VWA8: variants seen among roughly 807,000 people sequenced by gnomAD.
The protein encoded by VWA8 is von Willebrand factor A domain containing 8, also known as von Willebrand factor A domain-containing protein 8.
VWA8 carries 221 observed loss-of-function variants against 241.5 expected under a neutral mutation model. The observed-to-expected ratio is 0.91, with a 90% confidence interval of 0.82 to 1.02. The LOEUF (loss-of-function observed/expected upper bound fraction) is 1.02, where lower values mean the gene tolerates loss of function less well. Among genes scored for constraint, VWA8 ranks in the 50% least tolerant of loss-of-function variants. The pLI is 0.00. For synonymous variants in VWA8, 852 were observed against 827.1 expected (o/e 1.03, Z -0.52); for missense variants, 2,322 against 2,328.7 (o/e 1.00, Z 0.06).
At position 41,886,774 on chromosome 13, in the gene VWA8, T is replaced by A; in HGVS notation, c.866+7A>T. The stretch of plus-strand genomic sequence containing the variant: ...CAGTGTCCAGACATTTATAAAAATA[T>A]ACTTACTTCTCAGCAGAAACATTGG... On this transcript the variant is annotated splice_region_variant and intron_variant, in intron 7 of 44. Transcript: ENST00000379310. 1 of 1,590,364 alleles carries A rather than the reference T, an allele frequency of 6.3e-7. No individual in the cohort carries two copies. Among genetic ancestry groups the A allele is most frequent in the Non-Finnish European group, 8.5e-7 (1 of 1,171,238 alleles).
At chr13:41,759,430 T>C (rs1193060615) in intron 21 of VWA8, among the ~76,000 whole-genome samples, 1 of 151,738 alleles carries the variant, frequency 6.6e-6, no homozygotes, top group East Asian at 1.9e-4. Flanking sequence ...TTGAAGTTCA[T>C]TGAGCTTCCT....
chr13:41,566,899 C>T lies in VWA8; in HGVS notation c.*1298G>A, dbSNP rs1940401582. 1.3e-5 allele frequency: 2 copies of T among 152,080 alleles called. No individual in the cohort carries two copies. Among genetic ancestry groups the T allele is most frequent in the Admixed American group, 1.3e-4 (2 of 15,276 alleles). 9.4% of individuals were successfully genotyped at this position (152,080 alleles called of 1,614,324 possible). ...AATGATAGGGAGAGGGGTGATAGAA[C>T]AAATGGGTATTATCTTTTCTTCTTT... is the stretch of plus-strand genomic sequence containing the variant. On this transcript the variant is annotated 3_prime_UTR_variant, in exon 45 of 45. Transcript: ENST00000379310.
chr13:41,960,671 G>GC (rs1203100249), intron 1 of VWA8, among the ~76,000 whole-genome samples, 182 bp downstream of exon 1: 2 of 152,164 alleles, frequency 1.3e-5, no homozygotes, highest in Non-Finnish European at 2.9e-5. Context: ...CGAGCGCCTT[G>GC]CCCCCACGTT....
chr13:41,770,228 A>T (rs2137918498), intron 20 of VWA8, among the ~76,000 whole-genome samples: 1 of 151,840 alleles, frequency 6.6e-6, no homozygotes, highest in East Asian at 1.9e-4. Flanking sequence ...CGTGTGGATC[A>T]TGAGGTCAGG....
At chr13:41,772,603 T>C (rs1038988555) in intron 20 of VWA8, among the ~76,000 whole-genome samples, 2 of 152,206 alleles carry the variant, frequency 1.3e-5, no homozygotes, top group Admixed American at 6.5e-5. Context: ...CTCAAACATG[T>C]GTATTTTCAT....
chr13:41,959,493 CAAAAAAA>C (rs59960898), intron 1 of VWA8, among the ~76,000 whole-genome samples: 2 of 76,464 alleles, frequency 2.6e-5, no homozygotes, highest in African/African-American at 1.0e-4. Flanking sequence ...TGAGAAAAAG[CAAAAAAA>C]AAAAAAAAAA....
chr13:41,756,843 C>G lies in VWA8; in HGVS notation c.2426+4285G>C, dbSNP rs1000996011. Among the ~76,000 whole-genome samples the G allele has an allele frequency of 7.3e-5, 11 of 151,600 alleles. 1 individual carries two copies. Among genetic ancestry groups the G allele is most frequent in the African/African-American group, 2.7e-4 (11 of 41,332 alleles). ...AGCAGCATCTGTATATACATTAAAA[C>G]TGTCAAGTAATAAAATATTTTTAAA... On this transcript the variant is annotated intron_variant, in intron 21 of 44. Coordinates refer to ENST00000379310, the MANE Select transcript of VWA8 (RefSeq NM_015058.2).
chr13:41,841,810 A>T (rs1343962638), intron 12 of VWA8, among the ~76,000 whole-genome samples: 695 of 31,496 alleles, frequency 0.022, 45 homozygotes, highest in African/African-American at 0.051. Flanking sequence ...AAAAAAAAAA[A>T]AAAAAAAAAA....
At chr13:41,649,258 A>G (rs906759978) in intron 37 of VWA8, among the ~76,000 whole-genome samples, 19 of 152,198 alleles carry the variant, frequency 1.2e-4, no homozygotes, top group African/African-American at 4.3e-4. Flanking sequence ...CAAAAAAGGA[A>G]TATTAATATT....
At chr13:41,599,975 G>T (rs1037490943) in intron 40 of VWA8, among the ~76,000 whole-genome samples, 18 of 152,198 alleles carry the variant, frequency 1.2e-4, no homozygotes, top group African/African-American at 3.9e-4. Context: ...GTAACAAAAT[G>T]GAGGTCAAGT....
chr13:41,751,293 T>C (rs961117614), intron 21 of VWA8, among the ~76,000 whole-genome samples: 5 of 152,148 alleles, frequency 3.3e-5, no homozygotes, highest in South Asian at 4.1e-4. Flanking sequence ...GCATTATTAA[T>C]ATGGAAACTA....
intron 12 of VWA8, among the ~76,000 whole-genome samples, chr13:41,861,429 C>T (rs1167667425): frequency 6.6e-6 from 1 of 152,058 alleles, no homozygotes; most frequent in East Asian, 1.9e-4. Flanking sequence ...CATTCCTATT[C>T]AACATAGTAC....
intron 26 of VWA8, among the ~76,000 whole-genome samples, chr13:41,713,548 T>C (rs1458196063): frequency 6.6e-6 from 1 of 152,180 alleles, no homozygotes; most frequent in Non-Finnish European, 1.5e-5. Context: ...ACAGGAAATC[T>C]GAGGAGTAAC....
At position 41,637,736 on chromosome 13, in the gene VWA8, TAAAA is replaced by T. The variant is rs1194368744; in HGVS notation, c.4612-22656_4612-22653del. 5.9e-5 allele frequency among the ~76,000 whole-genome samples: 9 copies of T among 152,330 alleles called. No individual in the cohort carries two copies. The South Asian group carries it at 1.9e-3, about 32-fold the overall frequency. On this transcript the variant is annotated intron_variant, in intron 37 of 44. Coordinates refer to ENST00000379310, the MANE Select transcript of VWA8 (RefSeq NM_015058.2). ...AAGTATGACTAGAATTTTTATTATG[TAAAA>T]CTCTTCCTCCCTGTCTTCTTCCCCC...
At chr13:41,772,427 G>A (rs1341028315) in intron 20 of VWA8, among the ~76,000 whole-genome samples, 1 of 150,026 alleles carries the variant, frequency 6.7e-6, no homozygotes, top group African/African-American at 2.4e-5. Context: ...TAATTGGAAA[G>A]TCATACTGTG....
At chr13:41,868,233 G>T in intron 10 of VWA8, 113 bp downstream of exon 10, 1 of 1,212,358 alleles carries the variant, frequency 8.2e-7, no homozygotes, top group South Asian at 1.4e-5. Context: ...GATACCGACA[G>T]AAGCAGTACT....
At chr13:41,953,377 G>C (rs1420377078) in intron 1 of VWA8, among the ~76,000 whole-genome samples, 85 of 152,290 alleles carry the variant, frequency 5.6e-4, no homozygotes, top group African/African-American at 2.0e-3. Flanking sequence ...CCTATCAACT[G>C]AATATTGTAT....
At chr13:41,887,435 G>A (rs1223525550) in intron 5 of VWA8, 74 bp from the exon 6 acceptor site, 17 of 1,448,400 alleles carry the variant, frequency 1.2e-5, no homozygotes, top group East Asian at 2.4e-5. Context: ...CCAAGTCCAG[G>A]GACTTAGGAC....
intron 24 of VWA8, among the ~76,000 whole-genome samples, chr13:41,724,526 C>A (rs1361036843): frequency 1.3e-5 from 2 of 151,978 alleles, no homozygotes; most frequent in African/African-American, 2.4e-5. Context: ...GGAGGGACTC[C>A]CTCTAGATGG....
Sources: allele counts gnomAD v4.1 joint callset (sites outside exome capture counted in the v4.1 genomes callset), GRCh38; gene constraint gnomAD v4.1.1; transcripts MANE v1.5; gene names NCBI Gene and HGNC (gene_info 2026-07-23, HGNC 2026-07-21).